Variants in CACNB2 observed in about 807,000 individuals in gnomAD.
CACNB2 encodes voltage-dependent L-type calcium channel subunit beta-2.
A neutral mutation model predicts 73.3 loss-of-function variants in CACNB2; 42 were observed. The observed-to-expected ratio is 0.57, with a 90% CI of 0.45 to 0.74. The LOEUF is 0.74. Ranked by LOEUF, CACNB2 falls within the 30% of genes least tolerant of loss-of-function variation. The probability of loss-of-function intolerance (pLI) is 0.00; values close to 1 mark genes in which losing one functional copy is unlikely to be tolerated. For missense variants in CACNB2, 940 were observed against 853.0 expected, an observed-to-expected ratio of 1.10 and a Z score of -1.27; for synonymous variants, 348 against 310.3, an observed-to-expected ratio of 1.12 and a Z score of -1.28.
chr10:18,479,810 G>A (rs191434682), intron 3 of CACNB2, among the ~76,000 whole-genome samples: 1 of 152,284 alleles, frequency 6.6e-6, no homozygotes, highest in African/African-American at 2.4e-5. Context: ...TAAGCCTGAG[G>A]AACTGAATCA....
chr10:18,196,811 A>T (rs1479837947), intron 2 of CACNB2, among the ~76,000 whole-genome samples: 4 of 152,172 alleles, frequency 2.6e-5, no homozygotes, highest in African/African-American at 9.6e-5. Flanking sequence ...CCTAAAAGTA[A>T]TTTAGGGAGA....
chr10:18,495,725 T>A (rs1013068069), intron 3 of CACNB2, among the ~76,000 whole-genome samples: 18 of 152,146 alleles, frequency 1.2e-4, no homozygotes, highest in Admixed American at 8.5e-4. Flanking sequence ...TTTAAAAAAA[T>A]ATATATTTTT....
chr10:18,513,632 C>T lies in CACNB2; in HGVS notation c.671-604C>T, dbSNP rs115299611. 9.4e-3 allele frequency: 2,758 copies of T among 292,836 alleles called. 69 individuals carry two copies. Among genetic ancestry groups the T allele is most frequent in the African/African-American group, 0.057 (2,561 of 45,140 alleles). The allele number at this position is 292,836 out of a possible 1,614,324, so 18.1% of individuals were successfully genotyped here. ...CTCGAATAAGAAAGTCACTCAAATT[C>T]GCTTTTTGTCTGACATCATTTCCAT... On this transcript the variant is annotated intron_variant, in intron 6 of 13. Coordinates refer to ENST00000324631, the MANE Select transcript of CACNB2 (RefSeq NM_201596.3).
chr10:18,439,478 C>T (rs1369462291), intron 3 of CACNB2, among the ~76,000 whole-genome samples: 1 of 152,158 alleles, frequency 6.6e-6, no homozygotes, highest in African/African-American at 2.4e-5. Flanking sequence ...TCAATATAAT[C>T]CTTATGGCAA....
chr10:18,450,446 A>G (rs936898845), intron 3 of CACNB2, among the ~76,000 whole-genome samples: 3 of 152,070 alleles, frequency 2.0e-5, no homozygotes, highest in African/African-American at 7.2e-5. Context: ...ATGTCGAAAC[A>G]GTGTGATGGG....
At chr10:18,282,470 C>G (rs2038596125) in intron 2 of CACNB2, among the ~76,000 whole-genome samples, 1 of 152,202 alleles carries the variant, frequency 6.6e-6, no homozygotes, top group African/African-American at 2.4e-5. Flanking sequence ...ATGGTCAAAG[C>G]TGGGTTTTAC....
At chr10:18,302,080 G>C (rs1370918164) in intron 2 of CACNB2, among the ~76,000 whole-genome samples, 1 of 152,120 alleles carries the variant, frequency 6.6e-6, no homozygotes, top group African/African-American at 2.4e-5. Flanking sequence ...TTACCAAGCA[G>C]AATGAAGAAA....
At chr10:18,249,740 C>A (rs12241085) in intron 2 of CACNB2, among the ~76,000 whole-genome samples, 2 of 151,992 alleles carry the variant, frequency 1.3e-5, no homozygotes, top group African/African-American at 2.4e-5. Context: ...TTCTCAAGAC[C>A]ATCTATATGC....
intron 3 of CACNB2, among the ~76,000 whole-genome samples, chr10:18,457,252 A>G (rs2047331418): frequency 2.0e-5 from 3 of 152,102 alleles, no homozygotes; most frequent in African/African-American, 4.8e-5. Context: ...CACCACAACC[A>G]ACTAATTTTT....
chr10:18,405,893 G>T (rs1194752897), intron 3 of CACNB2, among the ~76,000 whole-genome samples: 4 of 152,184 alleles, frequency 2.6e-5, no homozygotes, highest in African/African-American at 9.7e-5. Flanking sequence ...GGGAGGGAAA[G>T]GTTGCAGTGA....
intron 3 of CACNB2, among the ~76,000 whole-genome samples, chr10:18,464,418 T>TAAAAAAAAAAAAAAAAAAAAAAAAAA (rs762982462): frequency 8.2e-5 from 7 of 85,300 alleles, no homozygotes; most frequent in South Asian, 5.3e-4. Flanking sequence ...TCTCAAAAAT[T>TAAAAAAAAAAAAAAAAAAAAAAAAAA]AAAAAAAAAA....
At chr10:18,512,702 T>C (rs1418461474) in intron 6 of CACNB2, among the ~76,000 whole-genome samples, 2 of 152,196 alleles carry the variant, frequency 1.3e-5, no homozygotes, top group African/African-American at 4.8e-5. Flanking sequence ...TGTTTATTCC[T>C]GTAGCATAAA....
intron 3 of CACNB2, among the ~76,000 whole-genome samples, chr10:18,450,290 C>T (rs1207637345): frequency 2.0e-5 from 3 of 152,052 alleles, no homozygotes; most frequent in South Asian, 2.1e-4. Context: ...TGCCTACAGG[C>T]ATGCATTAAG....
rs2053802848 is a variant in CACNB2 at position 18,538,287 on chromosome 10, C to A, written c.1410C>A (p.Ser470Arg). 6.2e-7 allele frequency: 1 copy of A among 1,614,148 alleles called. No homozygotes were observed. The highest frequency in any genetic ancestry group is 8.5e-7 in the Non-Finnish European group (1 of 1,180,000). The change falls in exon 13 of 14, where the codon AGC (serine) becomes AGA (arginine). Residue 470 changes from serine (S) to arginine (R), a missense_variant. Coordinates refer to ENST00000324631, the MANE Select transcript of CACNB2 (RefSeq NM_201596.3). Reference sequence around the variant, plus strand: ...AGGCCACCCATCCTCCCAGCAGTAGCCTCCCCAACCCTCTCCTTAGCCGTA... The same window carrying A: ...AGGCCACCCATCCTCCCAGCAGTAGACTCCCCAACCCTCTCCTTAGCCGTA... The part of the protein sequence containing the change: ...YWKATHPPSS[S>R]LPNPLLSRTL...
intron 2 of CACNB2, among the ~76,000 whole-genome samples, chr10:18,263,688 TATACTC>T (rs2037659877): frequency 6.6e-6 from 1 of 152,216 alleles, no homozygotes; most frequent in South Asian, 2.1e-4. Context: ...CAAAGAAAGT[TATACTC>T]ATATGCCATA....
intron 1 of CACNB2, among the ~76,000 whole-genome samples, chr10:18,146,163 G>A (rs2030951206): frequency 6.6e-6 from 1 of 152,132 alleles, no homozygotes; most frequent in Non-Finnish European, 1.5e-5. Context: ...TTCACACTAA[G>A]CTATTGGTAA....
chr10:18,364,548 C>T (rs1366050934), intron 2 of CACNB2, among the ~76,000 whole-genome samples: 1 of 152,134 alleles, frequency 6.6e-6, no homozygotes, highest in African/African-American at 2.4e-5. Flanking sequence ...GATCCACCCA[C>T]CTTGGCCTCC....
chr10:18,163,494 T>G (rs2032622469), intron 2 of CACNB2, among the ~76,000 whole-genome samples: 1 of 152,064 alleles, frequency 6.6e-6, no homozygotes. Flanking sequence ...AGGCACTAAG[T>G]CTTCGCCCCT....
chr10:18,514,135 GT>G (rs1193043183), intron 6 of CACNB2, 100 bp from the exon 7 acceptor site: 16 of 1,304,608 alleles, frequency 1.2e-5, no homozygotes, highest in Admixed American at 3.4e-5. Context: ...ACTCATGATA[GT>G]TTTTTTTACT....
Sources: allele counts gnomAD v4.1 joint callset (sites outside exome capture counted in the v4.1 genomes callset), GRCh38; gene constraint gnomAD v4.1.1; transcripts MANE v1.5; gene names NCBI Gene and HGNC (gene_info 2026-07-23, HGNC 2026-07-21).